KAT7: variants seen among roughly 807,000 people sequenced by gnomAD.
KAT7 encodes the protein lysine acetyltransferase 7.
Under a neutral mutation model 82.1 loss-of-function variants are expected in KAT7, and 10 were observed. That is an observed-to-expected ratio of 0.12 (90% CI 0.08 to 0.21). The LOEUF is 0.21. Among genes scored for constraint, KAT7 ranks in the 10% least tolerant of loss-of-function variants. The pLI is 1.00. For missense variants in KAT7, 378 were observed against 760.9 expected (o/e 0.50, Z 5.92); for synonymous variants, 250 against 262.5 (o/e 0.95, Z 0.46).
intron 4 of KAT7, among the ~76,000 whole-genome samples, chr17:49,800,300 C>A (rs1245537733): frequency 1.3e-5 from 2 of 152,088 alleles, no homozygotes; most frequent in Non-Finnish European, 2.9e-5. Flanking sequence ...CATGAGCCAC[C>A]ACGCCTGGCC....
At chr17:49,824,062 C>T (rs902827153) in intron 12 of KAT7, among the ~76,000 whole-genome samples, 1 of 152,100 alleles carries the variant, frequency 6.6e-6, no homozygotes, top group Non-Finnish European at 1.5e-5. Flanking sequence ...TTAATGATAT[C>T]AACAGTGTAT....
chr17:49,812,234 C>CTTTTTT (rs35069050), intron 7 of KAT7, among the ~76,000 whole-genome samples: 8 of 119,126 alleles, frequency 6.7e-5, no homozygotes, highest in Non-Finnish European at 8.6e-5. Context: ...GCTTAAAAAT[C>CTTTTTT]TTTTTTTTTT....
intron 7 of KAT7, among the ~76,000 whole-genome samples, chr17:49,814,389 G>A (rs971839536): frequency 6.6e-6 from 1 of 152,166 alleles, no homozygotes; most frequent in African/African-American, 2.4e-5. Context: ...CTTGTTCACT[G>A]TTTCCATCTG....
At chr17:49,810,210 G>A (rs2074144675) in intron 6 of KAT7, among the ~76,000 whole-genome samples, 1 of 152,178 alleles carries the variant, frequency 6.6e-6, no homozygotes, top group Admixed American at 6.5e-5. Flanking sequence ...CACTCCATAA[G>A]TGGTAACTAC....
At chr17:49,808,127 T>TC (rs1313991348) in intron 5 of KAT7, among the ~76,000 whole-genome samples, 7 of 147,848 alleles carry the variant, frequency 4.7e-5, no homozygotes, top group Non-Finnish European at 1.0e-4. Flanking sequence ...TTTCTTTTTT[T>TC]TTTTTTTTTT....
intron 4 of KAT7, among the ~76,000 whole-genome samples, chr17:49,801,769 C>T (rs1363217982): frequency 1.3e-5 from 2 of 152,160 alleles, no homozygotes; most frequent in African/African-American, 2.4e-5. Context: ...GGATTACAGG[C>T]GTGAGCCACT....
At chr17:49,812,586 A>G (rs184421252) in intron 7 of KAT7, among the ~76,000 whole-genome samples, 101 of 152,266 alleles carry the variant, frequency 6.6e-4, no homozygotes, top group Middle Eastern at 3.4e-3. Context: ...CTTACTACTG[A>G]AAATACCAAA....
chr17:49,796,546 A>G (rs1462237709), intron 2 of KAT7, among the ~76,000 whole-genome samples: 1 of 152,224 alleles, frequency 6.6e-6, no homozygotes, highest in African/African-American at 2.4e-5. Flanking sequence ...ACCTAAACTT[A>G]TTAATGCTGT....
chr17:49,821,560 A>C, intron 10 of KAT7, 90 bp from the exon 11 acceptor site: 9 of 1,531,488 alleles, frequency 5.9e-6, no homozygotes, highest in Non-Finnish European at 8.1e-6. Flanking sequence ...AATGTGTTTC[A>C]TTAATAATTA....
At position 49,811,401 on chromosome 17, in the gene KAT7, C is replaced by T. The variant is rs1033137281; in HGVS notation, c.754-75C>T. On this transcript the variant is annotated intron_variant, in intron 6 of 14. Transcript: ENST00000259021. ...AGATTACAGGCGTGAGCTACTGTGC[C>T]GGGCCTTGGCACTTTCATTTTGAAG... The T allele has an allele frequency of 3.6e-5, 26 of 721,032 alleles. No homozygotes were observed. The Middle Eastern group carries it at 7.6e-4, about 21-fold the overall frequency. 44.7% of individuals were successfully genotyped at this position (721,032 alleles called of 1,614,324 possible).
intron 2 of KAT7, 73 bp from the exon 3 acceptor site, chr17:49,796,677 G>C (rs1258078520): frequency 8.1e-7 from 1 of 1,228,336 alleles, no homozygotes; most frequent in Admixed American, 2.3e-5. Context: ...GCGATATTCT[G>C]ATAAATTATA....
In KAT7 at chr17:49,798,330, A is replaced by G; in HGVS notation, c.352A>G (p.Thr118Ala). The change falls in exon 4 of 15, where the codon ACA becomes GCA. Residue 118 changes from threonine (T) to alanine (A), a missense_variant. Around this residue, in one of 6 missense-constraint regions of KAT7, gnomAD observed 161 missense variants for 229.6 expected, o/e 0.70. Transcript: ENST00000259021. The part of the protein sequence containing the change: ...VDFSDRETKN[T>A]ADHDESPPRT... Reference sequence around the variant, plus strand: ...TGCTTTTGCTTTAGAAACTAAAAATACAGCTGATCATGATGAGTCACCGCC... The same window carrying G: ...TGCTTTTGCTTTAGAAACTAAAAATGCAGCTGATCATGATGAGTCACCGCC... 15 of 1,613,878 alleles carry G rather than the reference A, an allele frequency of 9.3e-6. No homozygotes were observed. Among genetic ancestry groups the G allele is most frequent in the African/African-American group, 1.3e-5 (1 of 75,050 alleles).
At chr17:49,814,488 T>C (rs2074209559) in intron 7 of KAT7, among the ~76,000 whole-genome samples, 2 of 152,316 alleles carry the variant, frequency 1.3e-5, no homozygotes, top group South Asian at 2.1e-4. Context: ...CTTTGATCTT[T>C]TAACAGTCCA....
chr17:49,830,468 G>C lies in KAT7; in HGVS notation c.*2966G>C, dbSNP rs184378053. ...CTCCCAAAGTGCTGGGATTACAGCCGTGAGCCTCTGCACCCAGCTTTTAAC... is the reference window on the plus strand; with the variant it reads ...CTCCCAAAGTGCTGGGATTACAGCCCTGAGCCTCTGCACCCAGCTTTTAAC... On this transcript the variant is annotated 3_prime_UTR_variant, in exon 15 of 15. Coordinates refer to ENST00000259021, the MANE Select transcript of KAT7 (RefSeq NM_007067.5). The C allele has an allele frequency of 6.6e-6, 1 of 152,136 alleles. No homozygotes were observed. 9.4% of individuals were successfully genotyped at this position (152,136 alleles called of 1,614,324 possible). A position where few individuals can be genotyped will look rare whatever the true frequency, so the allele number is the denominator to read the frequency against.
intron 6 of KAT7, among the ~76,000 whole-genome samples, chr17:49,810,860 G>A (rs760414844): frequency 2.6e-4 from 40 of 151,994 alleles, no homozygotes; most frequent in Non-Finnish European, 4.9e-4. Flanking sequence ...TTAGCTGGGC[G>A]TGGTGGTGTA....
Position 49,811,461 on chromosome 17 carries a change from C to T in KAT7, c.754-15C>T, listed in dbSNP as rs1367987889. The T allele has an allele frequency of 4.5e-6, 6 of 1,332,962 alleles. No homozygotes were observed. Among genetic ancestry groups the T allele is most frequent in the Non-Finnish European group, 6.2e-6 (6 of 964,996 alleles). 82.6% of individuals were successfully genotyped at this position (1,332,962 alleles called of 1,614,324 possible). Reference sequence around the variant, plus strand: ...ATAAGGAGTTTTCTCTCAGTTTTCTCCTTTTTCCTTTTAGGCACCAACGGA... The same window carrying T: ...ATAAGGAGTTTTCTCTCAGTTTTCTTCTTTTTCCTTTTAGGCACCAACGGA... On this transcript the variant is annotated splice_polypyrimidine_tract_variant and intron_variant, in intron 6 of 14. Coordinates refer to ENST00000259021, the MANE Select transcript of KAT7 (RefSeq NM_007067.5).
intron 11 of KAT7, 22 bp downstream of exon 11, chr17:49,821,812 A>C (rs1168656718): frequency 6.2e-7 from 1 of 1,612,660 alleles, no homozygotes; most frequent in Non-Finnish European, 8.5e-7. Flanking sequence ...CTGGAGATTA[A>C]GAAGCCAATG....
Position 49,795,092 on chromosome 17 carries a change from C to T in KAT7, c.164-1658C>T, listed in dbSNP as rs576270320. 7.3e-5 allele frequency among the ~76,000 whole-genome samples: 11 copies of T among 150,688 alleles called. No individual in the cohort carries two copies. In the East Asian group the frequency reaches 2.1e-3, roughly 29 times the overall value. On this transcript the variant is annotated intron_variant, in intron 2 of 14. Transcript: ENST00000259021. Reference sequence around the variant, plus strand: ...CCGCGCCCTGGCCTGTGCATCCCGCCCTCTGAAAAAAAAATTAATTAATTA... The same window carrying T: ...CCGCGCCCTGGCCTGTGCATCCCGCTCTCTGAAAAAAAAATTAATTAATTA...
At chr17:49,793,029 T>A (rs2073910114) in intron 2 of KAT7, among the ~76,000 whole-genome samples, 1 of 152,184 alleles carries the variant, frequency 6.6e-6, no homozygotes, top group South Asian at 2.1e-4. Flanking sequence ...TCTAGGCTGG[T>A]CTCAAACTCC....
Sources: gnomAD v4.1 joint callset for allele counts (sites outside exome capture counted in the v4.1 genomes callset) on GRCh38, gnomAD v4.1.1 for gene constraint, gnomAD v4.1.1 regional missense constraint, MANE v1.5 for transcripts, NCBI Gene and HGNC (gene_info 2026-07-23, HGNC 2026-07-21) for gene names.